Variants in ADAMTS17 observed in about 807,000 individuals in gnomAD.
ADAMTS17 encodes the protein ADAM metallopeptidase with thrombospondin type 1 motif 17.
In ADAMTS17, 113 loss-of-function variants were observed where a neutral mutation model predicts 141.5. The observed-to-expected ratio is 0.80, with a 90% CI of 0.69 to 0.93. The LOEUF (loss-of-function observed/expected upper bound fraction) is 0.93, where lower values mean the gene tolerates loss of function less well. Among genes scored for constraint, ADAMTS17 ranks in the 40% least tolerant of loss-of-function variants. The pLI is 0.00. For synonymous variants in ADAMTS17, 768 were observed against 630.6 expected (o/e 1.22, Z -3.27); for missense variants, 1,659 against 1,517.9 (o/e 1.09, Z -1.54).
chr15:99,975,889 G>A (rs569186619), intron 21 of ADAMTS17, among the ~76,000 whole-genome samples, 156 bp downstream of exon 21: 12 of 152,178 alleles, frequency 7.9e-5, no homozygotes, highest in African/African-American at 2.9e-4. Context: ...ATCCATCTCT[G>A]AAACCTCTTC....
intron 9 of ADAMTS17, among the ~76,000 whole-genome samples, chr15:100,153,053 G>A (rs1160048396): frequency 1.9e-5 from 2 of 105,634 alleles, no homozygotes; most frequent in Non-Finnish European, 4.4e-5. Flanking sequence ...TGGGGAGTCT[G>A]AAAGCTTTCT....
chr15:100,053,413 A>G (rs932635082), intron 16 of ADAMTS17, among the ~76,000 whole-genome samples: 2 of 152,158 alleles, frequency 1.3e-5, no homozygotes, highest in African/African-American at 4.8e-5. Context: ...CCTGATTCCC[A>G]AATGCTCGTT....
At chr15:100,318,280 C>G (rs12442939) in intron 3 of ADAMTS17, among the ~76,000 whole-genome samples, 10,241 of 151,922 alleles carry the variant, frequency 0.067, 833 homozygotes, top group East Asian at 0.24. Flanking sequence ...ACCCGCCCCC[C>G]CTTATAGTTT....
intron 7 of ADAMTS17, among the ~76,000 whole-genome samples, chr15:100,234,099 A>G (rs978840011): frequency 2.0e-5 from 3 of 152,202 alleles, no homozygotes; most frequent in African/African-American, 7.2e-5. Flanking sequence ...AGGCAAGGGC[A>G]GCACAGGCCT....
intron 15 of ADAMTS17, among the ~76,000 whole-genome samples, chr15:100,080,019 G>C (rs188863398): frequency 6.6e-6 from 1 of 152,174 alleles, no homozygotes; most frequent in Non-Finnish European, 1.5e-5. Flanking sequence ...CCAGCAGGCC[G>C]TATATGTTCT....
chr15:100,222,333 C>A (rs997991321), intron 7 of ADAMTS17, among the ~76,000 whole-genome samples: 5 of 152,172 alleles, frequency 3.3e-5, no homozygotes, highest in African/African-American at 9.7e-5. Context: ...GGCGGGCAGA[C>A]CAGATGCTCC....
At chr15:99,982,543 G>A (rs1253843018) in intron 20 of ADAMTS17, among the ~76,000 whole-genome samples, 2 of 152,182 alleles carry the variant, frequency 1.3e-5, no homozygotes, top group African/African-American at 4.8e-5. Flanking sequence ...CTCCCCTAAG[G>A]CTTCAACGTT....
intron 8 of ADAMTS17, among the ~76,000 whole-genome samples, chr15:100,178,448 A>T (rs892840684): frequency 6.6e-6 from 1 of 152,128 alleles, no homozygotes; most frequent in Non-Finnish European, 1.5e-5. Context: ...CCTCCCCATA[A>T]TGCACTGCCT....
intron 7 of ADAMTS17, among the ~76,000 whole-genome samples, chr15:100,205,556 A>G (rs1022246040): frequency 2.6e-5 from 4 of 152,178 alleles, no homozygotes; most frequent in Non-Finnish European, 5.9e-5. Context: ...GTCAAATCAC[A>G]GTGTGCCTCT....
At chr15:100,175,785 G>A (rs559136844) in intron 8 of ADAMTS17, among the ~76,000 whole-genome samples, 10 of 152,060 alleles carry the variant, frequency 6.6e-5, no homozygotes, top group South Asian at 2.1e-4. Flanking sequence ...CGGTGCCCCC[G>A]AGAGTGCAAC....
At chr15:100,084,603 G>A (rs188223773) in intron 15 of ADAMTS17, among the ~76,000 whole-genome samples, 65 of 152,254 alleles carry the variant, frequency 4.3e-4, no homozygotes, top group African/African-American at 8.2e-4. Context: ...CTGTAGGGGC[G>A]GACTGACACC....
chr15:100,309,177 G>A (rs1478409683), intron 3 of ADAMTS17, among the ~76,000 whole-genome samples: 1 of 152,182 alleles, frequency 6.6e-6, no homozygotes, highest in Non-Finnish European at 1.5e-5. Flanking sequence ...GGGCAGCACA[G>A]TGAGACCTCA....
chr15:100,330,426 C>T (rs757601497), intron 3 of ADAMTS17, among the ~76,000 whole-genome samples: 14 of 152,178 alleles, frequency 9.2e-5, no homozygotes, highest in Non-Finnish European at 1.5e-4. Flanking sequence ...CAAGTTCCCA[C>T]GTGATGCTGA....
intron 10 of ADAMTS17, among the ~76,000 whole-genome samples, chr15:100,150,649 A>T (rs2039117954): frequency 6.6e-6 from 1 of 152,140 alleles, no homozygotes; most frequent in South Asian, 2.1e-4. Context: ...TCCGGCTCTC[A>T]TGGAGCAGGC....
chr15:100,294,475 C>T (rs1032916571), intron 3 of ADAMTS17, among the ~76,000 whole-genome samples: 4 of 151,952 alleles, frequency 2.6e-5, no homozygotes, highest in Non-Finnish European at 5.9e-5. Flanking sequence ...TGGCTCATAC[C>T]TGTAACCCCA....
At chr15:100,291,800 G>A (rs924762999) in intron 3 of ADAMTS17, among the ~76,000 whole-genome samples, 5 of 152,130 alleles carry the variant, frequency 3.3e-5, no homozygotes, top group Admixed American at 1.3e-4. Flanking sequence ...CAGTACACAT[G>A]GCCACAAAGA....
chr15:100,151,848 C>G (rs1270740711), intron 10 of ADAMTS17, among the ~76,000 whole-genome samples: 3 of 152,252 alleles, frequency 2.0e-5, no homozygotes, highest in African/African-American at 7.2e-5. Context: ...GCACCCCTCA[C>G]CCATAAAACC....
chr15:100,000,027 T>C (rs2060888609), intron 18 of ADAMTS17, among the ~76,000 whole-genome samples: 1 of 152,192 alleles, frequency 6.6e-6, no homozygotes, highest in African/African-American at 2.4e-5. Flanking sequence ...AGTGACTCCC[T>C]TGGGGTGCAG....
chr15:100,307,187 C>T (rs1202936149), intron 3 of ADAMTS17, among the ~76,000 whole-genome samples: 1 of 152,176 alleles, frequency 6.6e-6, no homozygotes, highest in East Asian at 1.9e-4. Flanking sequence ...CCAGCCCTAC[C>T]CCAATGCTGT....
Sources: gnomAD v4.1 joint callset for allele counts (sites outside exome capture counted in the v4.1 genomes callset) on GRCh38, gnomAD v4.1.1 for gene constraint, MANE v1.5 for transcripts, NCBI Gene and HGNC (gene_info 2026-07-23, HGNC 2026-07-21) for gene names.